Variants in EPB41L5 observed in about 807,000 individuals in gnomAD.
EPB41L5 encodes erythrocyte membrane protein band 4.1 like 5, also known as band 4.1-like protein 5.
Under a neutral mutation model 106.6 loss-of-function variants are expected in EPB41L5, and 55 were observed. The ratio of observed to expected loss-of-function variants is 0.52; its 90% confidence interval spans 0.42 to 0.65. The LOEUF (loss-of-function observed/expected upper bound fraction) is 0.65, where lower values mean the gene tolerates loss of function less well. Ranked by LOEUF, EPB41L5 falls within the 30% of genes least tolerant of loss-of-function variation. The pLI is 0.00. For missense variants in EPB41L5, 871 were observed against 882.1 expected (o/e 0.99, Z 0.16); for synonymous variants, 297 against 306.7 (o/e 0.97, Z 0.33).
chr2:120,048,292 G>A (rs1468016072), intron 3 of EPB41L5, among the ~76,000 whole-genome samples: 1 of 151,936 alleles, frequency 6.6e-6, no homozygotes, highest in African/African-American at 2.4e-5. Context: ...CTGGTCCTGG[G>A]CTTTTTTTTG....
intron 18 of EPB41L5, among the ~76,000 whole-genome samples, chr2:120,137,367 A>C (rs984548971): frequency 2.6e-4 from 40 of 152,086 alleles, no homozygotes; most frequent in African/African-American, 9.4e-4. Flanking sequence ...AATAAAGATC[A>C]GAGCAGAAAT....
chr2:120,120,191 G>A (rs954376449), intron 16 of EPB41L5, among the ~76,000 whole-genome samples: 6 of 152,140 alleles, frequency 3.9e-5, no homozygotes, highest in African/African-American at 1.4e-4. Flanking sequence ...CACTTTGGGA[G>A]GCTGAGGTGG....
intron 1 of EPB41L5, among the ~76,000 whole-genome samples, chr2:120,014,286 G>T (rs1251166061): frequency 6.6e-6 from 1 of 152,058 alleles, no homozygotes; most frequent in Non-Finnish European, 1.5e-5. Flanking sequence ...TGCATTTTAT[G>T]ATTCTAAAGG....
Position 120,078,598 on chromosome 2 carries a change from G to A in EPB41L5, c.803+17G>A, listed in dbSNP as rs1301664963. ...ATTTTTTTGGTAAGCAAGAGTTATTGTCAAAGATACTTACTGTTGTTTTGG... is the reference window on the plus strand; with the variant it reads ...ATTTTTTTGGTAAGCAAGAGTTATTATCAAAGATACTTACTGTTGTTTTGG... On this transcript the variant is annotated intron_variant, in intron 10 of 24. Transcript: ENST00000263713. The A allele has an allele frequency of 3.2e-6, 5 of 1,540,984 alleles. No individual in the cohort carries two copies. The highest frequency in any genetic ancestry group is 1.7e-5 in the Admixed American group (1 of 57,500).
chr2:120,164,287 T>C (rs1687293872), intron 21 of EPB41L5, among the ~76,000 whole-genome samples: 1 of 152,150 alleles, frequency 6.6e-6, no homozygotes, highest in South Asian at 2.1e-4. Context: ...TAATCTTGGC[T>C]CACTGCAGCC....
At chr2:120,099,080 T>C (rs928938027) in intron 14 of EPB41L5, among the ~76,000 whole-genome samples, 8 of 152,254 alleles carry the variant, frequency 5.3e-5, no homozygotes, top group African/African-American at 1.9e-4. Context: ...AGGGGATCGA[T>C]TGCATTTCAT....
rs558055709 is a variant in EPB41L5 at position 120,176,329 on chromosome 2, A to G, written c.*1422A>G. ...TCTGTCCTGCAATATGTATATAATT[A>G]AGCACTAATTTGTACTGCTTAGCAT... On this transcript the variant is annotated 3_prime_UTR_variant, in exon 25 of 25. Coordinates refer to ENST00000263713, the MANE Select transcript of EPB41L5 (RefSeq NM_020909.4). The G allele has an allele frequency of 6.6e-6, 1 of 152,404 alleles. No homozygotes were observed. The highest frequency in any genetic ancestry group is 6.5e-5 in the Admixed American group (1 of 15,304). 9.4% of individuals were successfully genotyped at this position (152,404 alleles called of 1,614,324 possible).
intron 3 of EPB41L5, among the ~76,000 whole-genome samples, chr2:120,067,404 G>A (rs1291005194): frequency 6.6e-6 from 1 of 152,182 alleles, no homozygotes; most frequent in African/African-American, 2.4e-5. Context: ...GAACTAGTTA[G>A]CCTTCCTTTA....
chr2:120,029,892 A>G (rs1678586373), intron 2 of EPB41L5, among the ~76,000 whole-genome samples: 2 of 152,174 alleles, frequency 1.3e-5, no homozygotes, highest in Non-Finnish European at 2.9e-5. Flanking sequence ...GTCAGCTCCT[A>G]TTCCCACGAT....
rs1240737994 is a variant in EPB41L5 at position 120,125,686 on chromosome 2, C to T, written c.1338-2002C>T. On this transcript the variant is annotated intron_variant, in intron 16 of 24. Coordinates refer to ENST00000263713, the MANE Select transcript of EPB41L5 (RefSeq NM_020909.4). ...CTTTTTAGTCCTTTGAATTCTCTCA[C>T]GGAATGCCTTTTGGGATTTTTTTGT... 2.6e-5 allele frequency among the ~76,000 whole-genome samples: 4 copies of T among 152,090 alleles called. No homozygotes were observed. In the East Asian group the frequency reaches 7.7e-4, roughly 29 times the overall value.
At chr2:120,091,821 G>A (rs1683431606) in intron 13 of EPB41L5, among the ~76,000 whole-genome samples, 160 bp downstream of exon 13, 1 of 152,108 alleles carries the variant, frequency 6.6e-6, no homozygotes, top group East Asian at 1.9e-4. Flanking sequence ...GATACACAGA[G>A]AAAAATTGCC....
At position 120,164,818 on chromosome 2, in the gene EPB41L5, G is replaced by A; in HGVS notation, c.1888-18G>A. 6.3e-7 allele frequency: 1 copy of A among 1,582,950 alleles called. No individual in the cohort carries two copies. The highest frequency in any genetic ancestry group is 1.2e-5 in the South Asian group (1 of 86,824). The stretch of plus-strand genomic sequence containing the variant: ...ATAAAGGGGTCATTTAACAATTCTA[G>A]ATTCCTGTCTTCCATAGGAAGCTAC... On this transcript the variant is annotated intron_variant, in intron 21 of 24. Coordinates refer to ENST00000263713, the MANE Select transcript of EPB41L5 (RefSeq NM_020909.4).
intron 20 of EPB41L5, among the ~76,000 whole-genome samples, chr2:120,155,790 ATTTT>A (rs1196321089): frequency 6.6e-6 from 1 of 150,756 alleles, no homozygotes; most frequent in South Asian, 2.1e-4. Flanking sequence ...TCCTCTAGTG[ATTTT>A]TTTATTAAAA....
chr2:120,077,644 C>G (rs1034490), intron 9 of EPB41L5, among the ~76,000 whole-genome samples: 2 of 152,252 alleles, frequency 1.3e-5, no homozygotes, highest in South Asian at 4.1e-4. Flanking sequence ...TCCTGTTATA[C>G]GACTTACACT....
chr2:120,035,219 A>G (rs1678969491), intron 2 of EPB41L5, among the ~76,000 whole-genome samples: 1 of 151,936 alleles, frequency 6.6e-6, no homozygotes, highest in Non-Finnish European at 1.5e-5. Context: ...CTAGCATAAT[A>G]TTTTCTTCCC....
intron 16 of EPB41L5, among the ~76,000 whole-genome samples, chr2:120,126,909 A>G (rs1257828146): frequency 6.6e-6 from 1 of 152,230 alleles, no homozygotes; most frequent in Non-Finnish European, 1.5e-5. Context: ...GTGAACATTA[A>G]AAGTCTATTT....
At chr2:120,171,271 T>C (rs1454963736) in intron 24 of EPB41L5, among the ~76,000 whole-genome samples, 6 of 152,184 alleles carry the variant, frequency 3.9e-5, no homozygotes, top group African/African-American at 1.4e-4. Context: ...AGCAAGCCAG[T>C]TCACACTGCA....
At chr2:120,103,786 G>C (rs1373729535) in intron 16 of EPB41L5, among the ~76,000 whole-genome samples, 2 of 152,084 alleles carry the variant, frequency 1.3e-5, no homozygotes, top group Non-Finnish European at 2.9e-5. Context: ...AGAGTGTCTT[G>C]CTTTCTGAGA....
At chr2:120,134,801 C>G (rs191835869) in intron 18 of EPB41L5, among the ~76,000 whole-genome samples, 1 of 152,298 alleles carries the variant, frequency 6.6e-6, no homozygotes, top group Non-Finnish European at 1.5e-5. Context: ...ACATTCAGTT[C>G]CCTTTGAATA....
Sources: gnomAD v4.1 joint callset for allele counts (sites outside exome capture counted in the v4.1 genomes callset) on GRCh38, gnomAD v4.1.1 for gene constraint, MANE v1.5 for transcripts, NCBI Gene and HGNC (gene_info 2026-07-23, HGNC 2026-07-21) for gene names.